The following TTC29 variants were observed in gnomAD, a reference collection of about 807,000 sequenced individuals.
The protein encoded by TTC29 is tetratricopeptide repeat domain 29.
In TTC29, 49 loss-of-function variants were observed where a neutral mutation model predicts 58.1. That is an observed-to-expected ratio of 0.84 (90% CI 0.67 to 1.07). The LOEUF (loss-of-function observed/expected upper bound fraction) is 1.07, where lower values mean the gene tolerates loss of function less well. Among genes scored for constraint, TTC29 ranks in the 50% least tolerant of loss-of-function variants. The probability of loss-of-function intolerance (pLI) is 0.00; values close to 1 mark genes in which losing one functional copy is unlikely to be tolerated. For synonymous variants in TTC29, 209 were observed against 196.8 expected (o/e 1.06, Z -0.52); for missense variants, 582 against 555.6 (o/e 1.05, Z -0.48).
intron 11 of TTC29, 125 bp from the exon 12 acceptor site, chr4:146,707,676 G>T: frequency 1.6e-6 from 1 of 620,084 alleles, no homozygotes; most frequent in Non-Finnish European, 2.8e-6. Flanking sequence ...AAGGGTGTAT[G>T]TATCACCAGG....
intron 11 of TTC29, among the ~76,000 whole-genome samples, chr4:146,778,613 G>T (rs574177224): frequency 1.3e-5 from 2 of 152,174 alleles, no homozygotes; most frequent in East Asian, 3.9e-4. Context: ...TTTCAAATTT[G>T]ATTGTTCAAA....
chr4:146,727,306 G>A (rs1315362363), intron 11 of TTC29, among the ~76,000 whole-genome samples: 10 of 152,112 alleles, frequency 6.6e-5, no homozygotes, highest in Admixed American at 5.2e-4. Flanking sequence ...CATCTGGCAC[G>A]AGAGTGGTGC....
In TTC29 at chr4:146,830,534, A is replaced by G. The variant is rs370557040; in HGVS notation, c.977+3272T>C. On this transcript the variant is annotated intron_variant, in intron 9 of 12. Coordinates refer to ENST00000325106, the MANE Select transcript of TTC29 (RefSeq NM_031956.4). ...CCTCTTCCATTTCCTTTAAAGATATAAAATATATTTATAGAGATAGGTCTA... is the reference window on the plus strand; with the variant it reads ...CCTCTTCCATTTCCTTTAAAGATATGAAATATATTTATAGAGATAGGTCTA... Among the ~76,000 whole-genome samples the G allele has an allele frequency of 4.5e-4, 69 of 152,316 alleles. 1 individual carries two copies. The South Asian group carries it at 0.014, about 30-fold the overall frequency.
At chr4:146,808,786 G>C (rs1334271032) in intron 10 of TTC29, among the ~76,000 whole-genome samples, 1 of 152,104 alleles carries the variant, frequency 6.6e-6, no homozygotes, top group Non-Finnish European at 1.5e-5. Flanking sequence ...GGAAGAATCA[G>C]TATCGTGAAA....
At chr4:146,924,322 T>G (rs1047396701) in intron 4 of TTC29, among the ~76,000 whole-genome samples, 4 of 151,862 alleles carry the variant, frequency 2.6e-5, no homozygotes, top group Non-Finnish European at 5.9e-5. Flanking sequence ...GAGTTCGTGT[T>G]GAGTTTGTCA....
chr4:146,731,327 G>A (rs779250099), intron 11 of TTC29, among the ~76,000 whole-genome samples: 3 of 152,128 alleles, frequency 2.0e-5, no homozygotes, highest in Non-Finnish European at 4.4e-5. Context: ...TGTTGGCTGG[G>A]AGAGAGGGAG....
At chr4:146,893,297 T>G (rs10014251) in intron 6 of TTC29, among the ~76,000 whole-genome samples, 96,701 of 151,384 alleles carry the variant, frequency 0.64, 32,791 homozygotes, top group African/African-American at 0.87. Flanking sequence ...AAGGCTACAG[T>G]AACCAAAACA....
chr4:146,916,312 C>T (rs1213123033), intron 4 of TTC29, among the ~76,000 whole-genome samples: 1 of 151,462 alleles, frequency 6.6e-6, no homozygotes, highest in Admixed American at 6.6e-5. Flanking sequence ...AACAATATAG[C>T]ATTTTCCTAG....
chr4:146,769,023 T>G (rs1455309623), intron 11 of TTC29, among the ~76,000 whole-genome samples: 1 of 152,132 alleles, frequency 6.6e-6, no homozygotes, highest in East Asian at 1.9e-4. Context: ...ACTATATCAA[T>G]CAGCATTGGG....
At chr4:146,870,008 A>T (rs1561205549) in intron 7 of TTC29, among the ~76,000 whole-genome samples, 2 of 152,070 alleles carry the variant, frequency 1.3e-5, no homozygotes, top group Admixed American at 1.3e-4. Context: ...GAAAATAAAT[A>T]ATAAAGAATA....
At position 146,910,743 on chromosome 4, in the gene TTC29, G is replaced by C. The variant is rs563575447; in HGVS notation, c.177-1494C>G. ...CCTATATGGCAGTCAGGTTGTTACA[G>C]AACTAGTTCGTAAAGAGAATAAAGA... On this transcript the variant is annotated intron_variant, in intron 4 of 12. Transcript: ENST00000325106. 2.6e-5 allele frequency among the ~76,000 whole-genome samples: 4 copies of C among 152,224 alleles called. No homozygotes were observed. In the South Asian group the frequency reaches 8.3e-4, roughly 32 times the overall value.
chr4:146,708,845 A>G (rs986422075), intron 11 of TTC29, among the ~76,000 whole-genome samples: 1 of 151,938 alleles, frequency 6.6e-6, no homozygotes, highest in Non-Finnish European at 1.5e-5. Context: ...CTCTAACAGA[A>G]ATTTGTCTCT....
intron 11 of TTC29, among the ~76,000 whole-genome samples, chr4:146,801,524 C>A (rs918810455): frequency 2.0e-5 from 3 of 151,900 alleles, no homozygotes; most frequent in Non-Finnish European, 4.4e-5. Context: ...ACTTAATCTG[C>A]CCCCCTCTAC....
At chr4:146,861,449 T>C (rs1730226798) in intron 8 of TTC29, among the ~76,000 whole-genome samples, 1 of 152,196 alleles carries the variant, frequency 6.6e-6, no homozygotes, top group South Asian at 2.1e-4. Flanking sequence ...CTATGACCCC[T>C]TGCACAGATT....
At chr4:146,789,570 G>A (rs1216453387) in intron 11 of TTC29, among the ~76,000 whole-genome samples, 1 of 152,028 alleles carries the variant, frequency 6.6e-6, no homozygotes, top group Non-Finnish European at 1.5e-5. Flanking sequence ...AGAATATCTT[G>A]TCACCACTGA....
rs201463979 is a variant in TTC29 at position 146,853,073 on chromosome 4, CT to C, written c.885+14424del. On this transcript the variant is annotated intron_variant, in intron 8 of 12. Transcript: ENST00000325106. Reference sequence around the variant, plus strand: ...TTACCATGAACAACCTATGTAAAACCTATTAAAAACATTAATTAAAACCTTT... The same window carrying C: ...TTACCATGAACAACCTATGTAAAACCATTAAAAACATTAATTAAAACCTTT... Among the ~76,000 whole-genome samples the C allele has an allele frequency of 6.9e-3, 1,050 of 152,046 alleles. 13 individuals carry two copies. Among genetic ancestry groups the C allele is most frequent in the African/African-American group, 0.024 (976 of 41,478 alleles).
intron 3 of TTC29, 25 bp from the exon 4 acceptor site, chr4:146,937,702 A>G: frequency 7.4e-7 from 1 of 1,344,586 alleles, no homozygotes; most frequent in Non-Finnish European, 1.0e-6. Flanking sequence ...AAGAAATAAT[A>G]AAGCACAGCC....
intron 9 of TTC29, among the ~76,000 whole-genome samples, chr4:146,831,202 A>G (rs778677708): frequency 3.6e-4 from 55 of 152,184 alleles, no homozygotes; most frequent in Admixed American, 2.0e-4. Context: ...AAAATTAAGA[A>G]TCCATGTCTA....
At chr4:146,888,346 G>A (rs962897255) in intron 6 of TTC29, among the ~76,000 whole-genome samples, 19 of 152,106 alleles carry the variant, frequency 1.2e-4, no homozygotes, top group African/African-American at 4.6e-4. Context: ...CTAAAGGAAG[G>A]TAAAGAGCAG....
Sources: gnomAD v4.1 joint callset for allele counts (sites outside exome capture counted in the v4.1 genomes callset) on GRCh38, gnomAD v4.1.1 for gene constraint, MANE v1.5 for transcripts, NCBI Gene and HGNC (gene_info 2026-07-23, HGNC 2026-07-21) for gene names.